The following RNF212 variants were observed in gnomAD, a reference collection of about 807,000 sequenced individuals.
RNF212 encodes ring finger protein 212, also known as probable E3 SUMO-protein ligase RNF212.
Under a neutral mutation model 34.7 loss-of-function variants are expected in RNF212, and 33 were observed. The ratio of observed to expected loss-of-function variants is 0.95; its 90% CI spans 0.72 to 1.27. RNF212 has a LOEUF of 1.27. Among genes scored for constraint, RNF212 ranks in the 50% most tolerant of loss-of-function variants. The pLI, the probability that RNF212 is intolerant of heterozygous loss-of-function variation, is 0.00. For synonymous variants in RNF212, 140 were observed against 136.1 expected (o/e 1.03, Z -0.20); for missense variants, 377 against 362.2 (o/e 1.04, Z -0.33).
intron 8 of RNF212, among the ~76,000 whole-genome samples, chr4:1,075,056 T>C (rs1719059120): frequency 6.6e-6 from 1 of 152,222 alleles, no homozygotes; most frequent in Admixed American, 6.5e-5. Flanking sequence ...TCTTTCCCCG[T>C]CCTGGTGCTG....
chr4:1,083,155 T>G (rs1338947394), intron 5 of RNF212, among the ~76,000 whole-genome samples: 1 of 152,164 alleles, frequency 6.6e-6, no homozygotes, highest in Non-Finnish European at 1.5e-5. Context: ...AGCAGAAATA[T>G]ACCTCCCTCC....
chr4:1,104,278 A>G (rs1393265482), intron 2 of RNF212, among the ~76,000 whole-genome samples: 1 of 152,256 alleles, frequency 6.6e-6, no homozygotes, highest in Non-Finnish European at 1.5e-5. Flanking sequence ...ATGTAGGCCA[A>G]CTGGTGTATC....
rs146228753 is a variant in RNF212 at position 1,073,054 on chromosome 4, C to T, written c.714G>A (p.Ala238=). 1.6e-5 allele frequency: 26 copies of T among 1,613,922 alleles called. No individual in the cohort carries two copies. The highest frequency in any genetic ancestry group is 1.1e-4 in the African/African-American group (8 of 74,906). ...GTTCCCCGTGCCTTCCAGAACTGAA[C>T]GCTAGGAGGAGCAGCCAGTGAGGAC... The part of the protein sequence containing the change: ...DVCPHWLLLL[A]FSSGRHGELT... Residue 238 remains alanine (A), a synonymous_variant, in exon 10 of 10, where the codon GCG becomes GCA. Coordinates refer to ENST00000433731, the MANE Select transcript of RNF212 (RefSeq NM_001131034.4).
intron 3 of RNF212, among the ~76,000 whole-genome samples, chr4:1,091,436 G>A (rs1263909874): frequency 6.6e-6 from 1 of 152,216 alleles, no homozygotes; most frequent in Non-Finnish European, 1.5e-5. Context: ...TATTTCGTAT[G>A]AGTTGAGTGT....
intron 8 of RNF212, among the ~76,000 whole-genome samples, chr4:1,079,245 G>T (rs1719920416): frequency 6.8e-6 from 1 of 147,598 alleles, no homozygotes; most frequent in Non-Finnish European, 1.5e-5. Flanking sequence ...CCAACACAGG[G>T]TCAACACAGG....
intron 4 of RNF212, chr4:1,056,880 G>A: frequency 1.0e-6 from 1 of 987,954 alleles, no homozygotes; most frequent in Non-Finnish European, 1.2e-6. Context: ...CTGATGGGCG[G>A]CCGGGGGGGC....
chr4:1,086,550 C>A (rs974962420), intron 4 of RNF212, among the ~76,000 whole-genome samples: 2 of 104,144 alleles, frequency 1.9e-5, no homozygotes, highest in Non-Finnish European at 3.8e-5. Context: ...TATGATGGGG[C>A]TGTGGTGGCC....
intron 3 of RNF212, among the ~76,000 whole-genome samples, chr4:1,060,917 T>C (rs942986387): frequency 6.6e-6 from 1 of 152,198 alleles, no homozygotes; most frequent in African/African-American, 2.4e-5. Context: ...CAATGAGTGC[T>C]TGTTGAGGAG....
chr4:1,082,882 G>A (rs1176079846), intron 5 of RNF212, among the ~76,000 whole-genome samples: 1 of 152,234 alleles, frequency 6.6e-6, no homozygotes, highest in Non-Finnish European at 1.5e-5. Context: ...TCCTCTGAAG[G>A]GCACTTGCTC....
intron 7 of RNF212, among the ~76,000 whole-genome samples, chr4:1,080,424 G>C (rs1720137647): frequency 6.6e-6 from 1 of 152,150 alleles, no homozygotes; most frequent in Admixed American, 6.5e-5. Flanking sequence ...CCCGCTCCCA[G>C]TGTCTCAGAG....
chr4:1,088,202 A>G (rs2153049273), intron 4 of RNF212, among the ~76,000 whole-genome samples: 1 of 152,304 alleles, frequency 6.6e-6, no homozygotes, highest in South Asian at 2.1e-4. Flanking sequence ...AGTGATATGG[A>G]TGGTGAAGTT....
At chr4:1,095,709 G>C (rs1477545908) in intron 3 of RNF212, among the ~76,000 whole-genome samples, 3 of 30,924 alleles carry the variant, frequency 9.7e-5, no homozygotes, top group African/African-American at 2.4e-4. Flanking sequence ...CCATGGTCTC[G>C]GGATAGCGCA....
At chr4:1,057,290 G>A (rs561670182) in intron 4 of RNF212, among the ~76,000 whole-genome samples, 1 of 152,310 alleles carries the variant, frequency 6.6e-6, no homozygotes, top group South Asian at 2.1e-4. Context: ...GGACTGGACT[G>A]CAGGCATCAA....
At chr4:1,102,745 G>A (rs901726137) in intron 2 of RNF212, among the ~76,000 whole-genome samples, 5 of 151,110 alleles carry the variant, frequency 3.3e-5, no homozygotes, top group Admixed American at 1.3e-4. Flanking sequence ...CCAGCTACTC[G>A]GGAGGCTGAG....
rs372888744 is a variant in RNF212 at position 1,073,127 on chromosome 4, C to T, written c.641G>A (p.Gly214Glu). ...WLTLSKPPVP[G>E]ECVISRGSPC... ...TGAACCTCTGGAAATGACACACTCT[C>T]CGGGCACAGGGGGCTTAGACAAGGT... The change falls in exon 10 of 10, where the codon GGA becomes GAA. Residue 214 changes from glycine to glutamate, a missense_variant. Transcript: ENST00000433731. The T allele has an allele frequency of 1.9e-6, 3 of 1,614,092 alleles. No individual in the cohort carries two copies. Among genetic ancestry groups the T allele is most frequent in the African/African-American group, 1.3e-5 (1 of 74,920 alleles).
At chr4:1,110,011 G>A (rs1725409524) in intron 1 of RNF212, among the ~76,000 whole-genome samples, 1 of 152,122 alleles carries the variant, frequency 6.6e-6, no homozygotes, top group Non-Finnish European at 1.5e-5. Context: ...CTCTTTAAGT[G>A]CAAATTCTGC....
In RNF212 at chr4:1,081,478, G is replaced by T. The variant is rs1049560372; in HGVS notation, c.416-11C>A. The stretch of plus-strand genomic sequence containing the variant: ...ATCCGTGTGGTTTTGCTGGAAGAGT[G>T]ATGACGAAAATGCCAGCGTCAGTGC... On this transcript the variant is annotated splice_polypyrimidine_tract_variant and intron_variant, in intron 6 of 9. Coordinates refer to ENST00000433731, the MANE Select transcript of RNF212 (RefSeq NM_001131034.4). 2 of 1,613,768 alleles carry T rather than the reference G, an allele frequency of 1.2e-6. No homozygotes were observed. Among genetic ancestry groups the T allele is most frequent in the Non-Finnish European group, 1.7e-6 (2 of 1,179,736 alleles).
intron 8 of RNF212, among the ~76,000 whole-genome samples, chr4:1,076,827 T>C (rs552022476): frequency 3.3e-4 from 50 of 152,322 alleles, no homozygotes; most frequent in African/African-American, 1.2e-3. Flanking sequence ...TAGAACACAG[T>C]CATGGTCATG....
chr4:1,079,493 C>T (rs1054209808), intron 8 of RNF212, 150 bp downstream of exon 8: 50 of 688,378 alleles, frequency 7.3e-5, no homozygotes, highest in Middle Eastern at 3.5e-4. Flanking sequence ...CAGCCCACCC[C>T]TCTCACCCAC....
Sources: allele counts gnomAD v4.1 joint callset (sites outside exome capture counted in the v4.1 genomes callset), GRCh38; gene constraint gnomAD v4.1.1; transcripts MANE v1.5; gene names NCBI Gene and HGNC (gene_info 2026-07-23, HGNC 2026-07-21).